The following SEMA4D variants were observed in gnomAD, a reference collection of about 807,000 sequenced individuals.
SEMA4D encodes the protein semaphorin 4D.
A neutral mutation model predicts 74.8 loss-of-function variants in SEMA4D; 22 were observed. That is an observed-to-expected ratio of 0.29 (90% confidence interval 0.21 to 0.42). SEMA4D has a LOEUF of 0.42. Ranked by LOEUF, SEMA4D falls within the 10% of genes least tolerant of loss-of-function variation. The pLI, the probability that SEMA4D is intolerant of heterozygous loss-of-function variation, is 1.00. For missense variants in SEMA4D, 937 were observed against 1,118.4 expected, an observed-to-expected ratio of 0.84 and a Z score of 2.31; for synonymous variants, 445 against 463.7, an observed-to-expected ratio of 0.96 and a Z score of 0.52.
In SEMA4D at chr9:89,406,330, TAAAG is replaced by T. The variant is rs565930433; in HGVS notation, c.-243-635_-243-632del. On this transcript the variant is annotated intron_variant, in intron 2 of 15. Transcript: ENST00000422704. Reference sequence around the variant, plus strand: ...CCCTGCTAGCTCTTCCAGTCTCACTTAAAGAAGTCTGTGCACCATAGAAATGGTG... The same window carrying T: ...CCCTGCTAGCTCTTCCAGTCTCACTTAAGTCTGTGCACCATAGAAATGGTG... Among the ~76,000 whole-genome samples the T allele has an allele frequency of 3.3e-5, 5 of 152,304 alleles. No individual in the cohort carries two copies. In the South Asian group the frequency reaches 6.2e-4, roughly 19 times the overall value.
At chr9:89,450,166 A>C in intron 2 of SEMA4D, 1 of 1,267,242 alleles carries the variant, frequency 7.9e-7, no homozygotes, top group Non-Finnish European at 1.2e-6. Context: ...ACCATTACCC[A>C]GATTCCCACA....
chr9:89,376,776 C>G (rs1835848306), downstream of SEMA4D: 2 of 1,513,844 alleles, frequency 1.3e-6, no homozygotes, highest in African/African-American at 1.4e-5. Context: ...GCCCGCCCCC[C>G]ACCTGTGGGA....
intron 6 of SEMA4D, 31 bp downstream of exon 6, chr9:89,396,706 G>A (rs188255085): frequency 2.4e-5 from 38 of 1,577,364 alleles, no homozygotes; most frequent in East Asian, 6.8e-5. Flanking sequence ...CCAGGCTGGC[G>A]TGAGCACAGG....
intron 2 of SEMA4D, among the ~76,000 whole-genome samples, chr9:89,439,700 T>C (rs1445542732): frequency 6.6e-6 from 1 of 152,196 alleles, no homozygotes; most frequent in African/African-American, 2.4e-5. Context: ...CTAAAGATCA[T>C]CGCAGCTGGC....
Position 89,467,495 on chromosome 9 carries a change from GA to G in SEMA4D, c.-309-11543del, listed in dbSNP as rs1438060641. On this transcript the variant is annotated intron_variant, in intron 1 of 15. Coordinates refer to ENST00000422704, the MANE Select transcript of SEMA4D (RefSeq NM_001371194.2). ...AATGTGTTATTTGTTTAATCCGGGG[GA>G]GTGGGGGAGGGGGAACCACACCTGG... is the stretch of plus-strand genomic sequence containing the variant. Among the ~76,000 whole-genome samples, 11 of 151,238 alleles carry G rather than the reference GA, an allele frequency of 7.3e-5. No homozygotes were observed. The South Asian group carries it at 8.4e-4, about 12-fold the overall frequency.
intron 4 of SEMA4D, 26 bp from the exon 5 acceptor site, chr9:89,399,364 GCA>G (rs1157733491): frequency 6.4e-7 from 1 of 1,552,736 alleles, no homozygotes; most frequent in Non-Finnish European, 8.9e-7. Context: ...CCATATCAGT[GCA>G]TATTCTTTTA....
At chr9:89,438,137 G>A (rs1850869993) in intron 2 of SEMA4D, among the ~76,000 whole-genome samples, 1 of 152,228 alleles carries the variant, frequency 6.6e-6, no homozygotes, top group Non-Finnish European at 1.5e-5. Flanking sequence ...GAGGGAAGAG[G>A]GAAGCAACAA....
At chr9:89,451,880 T>TAAG (rs1255767146) in intron 2 of SEMA4D, among the ~76,000 whole-genome samples, 1 of 152,240 alleles carries the variant, frequency 6.6e-6, no homozygotes, top group African/African-American at 2.4e-5. Flanking sequence ...GTAGTGCATC[T>TAAG]TGCCTTCTGT....
intron 1 of SEMA4D, among the ~76,000 whole-genome samples, chr9:89,471,686 G>A (rs1860322431): frequency 6.6e-6 from 1 of 151,922 alleles, no homozygotes; most frequent in South Asian, 2.1e-4. Context: ...ATAGGCTGAG[G>A]TGCATGCCAG....
chr9:89,447,045 A>C (rs1853074852), intron 2 of SEMA4D, among the ~76,000 whole-genome samples: 1 of 151,852 alleles, frequency 6.6e-6, no homozygotes, highest in African/African-American at 2.4e-5. Context: ...GGCCCAGACC[A>C]TCTCTCCCAC....
chr9:89,431,078 G>T (rs1849176910), intron 2 of SEMA4D, among the ~76,000 whole-genome samples: 1 of 152,214 alleles, frequency 6.6e-6, no homozygotes, highest in African/African-American at 2.4e-5. Context: ...CACACAAGTC[G>T]ATGTTTATTG....
intron 1 of SEMA4D, among the ~76,000 whole-genome samples, chr9:89,469,961 T>C (rs1859762411): frequency 1.3e-5 from 2 of 152,192 alleles, no homozygotes; most frequent in Admixed American, 6.5e-5. Context: ...TGAAATAAAA[T>C]GGACTATTCA....
At chr9:89,466,314 C>T (rs78037080) in intron 1 of SEMA4D, among the ~76,000 whole-genome samples, 2,766 of 152,304 alleles carry the variant, frequency 0.018, 39 homozygotes, top group Non-Finnish European at 0.025. Flanking sequence ...TTTTCAGAAA[C>T]GCCTTTTCTT....
chr9:89,475,375 AC>A (rs949654803), intron 1 of SEMA4D, among the ~76,000 whole-genome samples: 1 of 151,822 alleles, frequency 6.6e-6, no homozygotes, highest in African/African-American at 2.4e-5. Flanking sequence ...AGGAACAAAC[AC>A]CCACTCCTGC....
At chr9:89,374,844 G>A (rs1052509097), downstream of SEMA4D, among the ~76,000 whole-genome samples, 1 of 152,202 alleles carries the variant, frequency 6.6e-6, no homozygotes, top group Non-Finnish European at 1.5e-5. Context: ...CCTGAGGTCA[G>A]TAGTTTGAGA....
chr9:89,364,219 C>T (rs1833220145), intron 16 of SEMA4D: 4 of 598,878 alleles, frequency 6.7e-6, no homozygotes, highest in East Asian at 3.3e-5. Context: ...TCCCCTAGGA[C>T]CCCCTTTCTT....
intron 1 of SEMA4D, among the ~76,000 whole-genome samples, chr9:89,470,327 T>A (rs755938290): frequency 6.6e-6 from 1 of 152,192 alleles, no homozygotes; most frequent in Non-Finnish European, 1.5e-5. Flanking sequence ...TGAGCAAGAC[T>A]TCAACAGATA....
rs1028136774 is a variant in SEMA4D, at chr9:89,477,522, G to C, written c.-310+20397C>G. 3.9e-5 allele frequency among the ~76,000 whole-genome samples: 6 copies of C among 152,196 alleles called. No homozygotes were observed. In the East Asian group the frequency reaches 5.8e-4, roughly 15 times the overall value. On this transcript the variant is annotated intron_variant, in intron 1 of 15. Transcript: ENST00000422704. The stretch of plus-strand genomic sequence containing the variant: ...CACAGCACACACAAGGGCACACATG[G>C]CTTCGTAGCACACTGCAGAACATAC...
At position 89,379,436 on chromosome 9, in the gene SEMA4D, A is replaced by C. The variant is rs1049353977; in HGVS notation, c.1857T>G (p.Ser619Arg). 5.0e-6 allele frequency: 8 copies of C among 1,614,152 alleles called. No individual in the cohort carries two copies. Among genetic ancestry groups the C allele is most frequent in the Non-Finnish European group, 6.8e-6 (8 of 1,180,022 alleles). Residue 619 changes from serine (S) to arginine (R), a missense_variant, in exon 16 of 16, where the codon AGT (serine) becomes AGG (arginine). Coordinates refer to ENST00000422704, the MANE Select transcript of SEMA4D (RefSeq NM_001371194.2). ...LLIFNLSEGD[S>R]GVYQCLSEER... The stretch of plus-strand genomic sequence containing the variant: ...CCTCTGACAGGCACTGGTACACCCC[A>C]CTGTCTCCTTCTGACAAGTTGAAGA...
Sources: gnomAD v4.1 joint callset for allele counts (sites outside exome capture counted in the v4.1 genomes callset) on GRCh38, gnomAD v4.1.1 for gene constraint, MANE v1.5 for transcripts, NCBI Gene and HGNC (gene_info 2026-07-23, HGNC 2026-07-21) for gene names.